EPHA7: variants seen among roughly 807,000 people sequenced by gnomAD.
EPHA7 encodes the protein EPH receptor A7, also known as ephrin type-A receptor 7.
EPHA7 carries 25 observed loss-of-function variants against 112.6 expected under a neutral mutation model. The ratio of observed to expected loss-of-function variants is 0.22; its 90% CI spans 0.16 to 0.31. The LOEUF (loss-of-function observed/expected upper bound fraction) is 0.31. Ranked by LOEUF, EPHA7 falls within the 10% of genes least tolerant of loss-of-function variation. The pLI, the probability that EPHA7 is intolerant of heterozygous loss-of-function variation, is 1.00. For missense variants in EPHA7, 962 were observed against 1,212.6 expected, an observed-to-expected ratio of 0.79 and a Z score of 3.07; for synonymous variants, 437 against 406.5, an observed-to-expected ratio of 1.07 and a Z score of -0.90.
chr6:93,404,043 G>T (rs1273678907), intron 3 of EPHA7, among the ~76,000 whole-genome samples: 1 of 152,112 alleles, frequency 6.6e-6, no homozygotes. Flanking sequence ...GGGAGCAGGG[G>T]CTTCAACTGT....
intron 10 of EPHA7, 30 bp from the exon 11 acceptor site, chr6:93,258,314 T>C: frequency 6.6e-7 from 1 of 1,512,598 alleles, no homozygotes; most frequent in South Asian, 1.4e-5. Context: ...AGGCATATTT[T>C]AGTTTCTAAA....
Position 93,338,155 on chromosome 6 carries a change from C to A in EPHA7, c.1324+18562G>T, listed in dbSNP as rs374995432. On this transcript the variant is annotated intron_variant, in intron 5 of 16. Coordinates refer to ENST00000369303, the MANE Select transcript of EPHA7 (RefSeq NM_004440.4). ...ATGTAAAAGAAAAAACAATTTTCTG[C>A]GGTTAAGGAAAGTCTGGGACTGCTG... Among the ~76,000 whole-genome samples, 13 of 152,160 alleles carry A rather than the reference C, an allele frequency of 8.5e-5. No homozygotes were observed. In the East Asian group the frequency reaches 1.9e-3, roughly 23 times the overall value.
At chr6:93,387,471 T>A (rs1777668952) in intron 3 of EPHA7, among the ~76,000 whole-genome samples, 1 of 152,142 alleles carries the variant, frequency 6.6e-6, no homozygotes, top group Non-Finnish European at 1.5e-5. Context: ...TTCAAACCTC[T>A]GCCTGTTACC....
chr6:93,418,295 C>T (rs545718720), intron 1 of EPHA7, among the ~76,000 whole-genome samples: 1 of 152,228 alleles, frequency 6.6e-6, no homozygotes, highest in South Asian at 2.1e-4. Context: ...GTCAAAGGTT[C>T]AAAGAAGGAA....
chr6:93,254,535 G>A, intron 14 of EPHA7, 112 bp downstream of exon 14: 1 of 756,960 alleles, frequency 1.3e-6, no homozygotes, highest in Non-Finnish European at 1.9e-6. Context: ...GTGGAAAACT[G>A]TATTTTTATA....
intron 10 of EPHA7, 50 bp from the exon 11 acceptor site, chr6:93,258,334 T>A (rs780119851): frequency 4.1e-6 from 6 of 1,479,918 alleles, no homozygotes; most frequent in Non-Finnish European, 3.6e-6. Context: ...ATATTGTAAT[T>A]TTCTTTTAAG....
chr6:93,299,511 G>T (rs886691523), intron 5 of EPHA7, among the ~76,000 whole-genome samples: 1 of 152,018 alleles, frequency 6.6e-6, no homozygotes, highest in African/African-American at 2.4e-5. Flanking sequence ...GCAGAAAAAA[G>T]AGAACATTTA....
At chr6:93,247,252 T>C (rs1177138009) in intron 14 of EPHA7, among the ~76,000 whole-genome samples, 3 of 152,168 alleles carry the variant, frequency 2.0e-5, no homozygotes, top group Non-Finnish European at 2.9e-5. Context: ...GAAATAGTTT[T>C]AACATCATCC....
intron 1 of EPHA7, among the ~76,000 whole-genome samples, chr6:93,416,891 CG>C (rs1779260697): frequency 7.0e-6 from 1 of 143,154 alleles, no homozygotes; most frequent in Non-Finnish European, 1.5e-5. Flanking sequence ...GTCGGAGGGG[CG>C]GGGCGGGGGC....
At chr6:93,265,122 G>C (rs1770869971) in intron 7 of EPHA7, among the ~76,000 whole-genome samples, 1 of 151,346 alleles carries the variant, frequency 6.6e-6, no homozygotes, top group African/African-American at 2.4e-5. Context: ...ATGTATTTTT[G>C]AAGTACCTTA....
intron 3 of EPHA7, chr6:93,409,507 T>C (rs1261482872): frequency 6.6e-6 from 1 of 152,074 alleles, no homozygotes; most frequent in Non-Finnish European, 1.5e-5. Context: ...TTAGTTATAA[T>C]AGTTATTATT....
intron 11 of EPHA7, among the ~76,000 whole-genome samples, 174 bp downstream of exon 11, chr6:93,257,924 CT>C (rs1448371744): frequency 6.6e-6 from 1 of 151,734 alleles, no homozygotes; most frequent in East Asian, 1.9e-4. Flanking sequence ...TTTCTGCTTT[CT>C]TTTCCCTTGA....
chr6:93,376,525 T>A (rs768939481), intron 3 of EPHA7, among the ~76,000 whole-genome samples: 2 of 152,176 alleles, frequency 1.3e-5, no homozygotes, highest in African/African-American at 2.4e-5. Flanking sequence ...ATCATCATGA[T>A]ATATGAGAAC....
chr6:93,363,164 A>T (rs1776338445), intron 3 of EPHA7, among the ~76,000 whole-genome samples: 1 of 152,090 alleles, frequency 6.6e-6, no homozygotes, highest in Non-Finnish European at 1.5e-5. Context: ...TAATTAAATC[A>T]TTATTAGGGC....
intron 1 of EPHA7, among the ~76,000 whole-genome samples, chr6:93,417,580 T>C (rs897997561): frequency 6.6e-6 from 1 of 152,224 alleles, no homozygotes; most frequent in African/African-American, 2.4e-5. Flanking sequence ...GATGCAGTTA[T>C]TTATAGCCCA....
chr6:93,272,080 C>G (rs899401514), intron 6 of EPHA7, among the ~76,000 whole-genome samples: 3 of 151,780 alleles, frequency 2.0e-5, no homozygotes, highest in African/African-American at 7.3e-5. Flanking sequence ...AAATGGGATA[C>G]TTTCATTTGT....
intron 3 of EPHA7, among the ~76,000 whole-genome samples, chr6:93,360,582 C>T (rs1268716599): frequency 6.6e-6 from 1 of 152,092 alleles, no homozygotes; most frequent in African/African-American, 2.4e-5. Flanking sequence ...TCAGAATTCT[C>T]ATTCTCCCAT....
intron 5 of EPHA7, among the ~76,000 whole-genome samples, chr6:93,355,416 T>G (rs1775898372): frequency 6.6e-6 from 1 of 152,162 alleles, no homozygotes; most frequent in African/African-American, 2.4e-5. Flanking sequence ...AAAATTAGCA[T>G]GGAAATGAAG....
rs150790121 is a variant in EPHA7 at position 93,383,321 on chromosome 6, TTGTG to T, written c.833-24914_833-24911del. Among the ~76,000 whole-genome samples, 34 of 146,546 alleles carry T rather than the reference TTGTG, an allele frequency of 2.3e-4. No individual in the cohort carries two copies. The South Asian group carries it at 4.8e-3, about 21-fold the overall frequency. On this transcript the variant is annotated intron_variant, in intron 3 of 16. Coordinates refer to ENST00000369303, the MANE Select transcript of EPHA7 (RefSeq NM_004440.4). ...ACAATGACTTATATCAGAACTCATTTTGTGTGTGTGTGTGTGTGTGTATAATTTA... is the reference window on the plus strand; with the variant it reads ...ACAATGACTTATATCAGAACTCATTTTGTGTGTGTGTGTGTGTATAATTTA...
Sources: allele counts gnomAD v4.1 joint callset (sites outside exome capture counted in the v4.1 genomes callset), GRCh38; gene constraint gnomAD v4.1.1; transcripts MANE v1.5; gene names NCBI Gene and HGNC (gene_info 2026-07-23, HGNC 2026-07-21).